The following FAM227B variants were observed in gnomAD, a reference collection of about 807,000 sequenced individuals.
FAM227B encodes the protein protein FAM227B.
In FAM227B, 88 loss-of-function variants were observed where a neutral mutation model predicts 73.8. The observed-to-expected ratio is 1.19, with a 90% CI of 1.00 to 1.42. FAM227B has a LOEUF of 1.42. Among genes scored for constraint, FAM227B ranks in the 40% most tolerant of loss-of-function variants. FAM227B has a pLI of 0.00. For synonymous variants in FAM227B, 210 were observed against 190.5 expected, an observed-to-expected ratio of 1.10 and a Z score of -0.84; for missense variants, 632 against 590.9, an observed-to-expected ratio of 1.07 and a Z score of -0.72.
chr15:49,459,471 A>G (rs1395090377), intron 11 of FAM227B, among the ~76,000 whole-genome samples: 1 of 151,402 alleles, frequency 6.6e-6, no homozygotes, highest in African/African-American at 2.5e-5. Flanking sequence ...TTGAGATATA[A>G]GAGTGAAAAG....
chr15:49,366,427 T>G (rs1567162312), intron 13 of FAM227B: 1 of 888,172 alleles, frequency 1.1e-6, no homozygotes, highest in Non-Finnish European at 1.9e-6. Flanking sequence ...CCACAACTGC[T>G]TTGTTCTTTA....
At chr15:49,355,888 T>A (rs1320232872) in intron 13 of FAM227B, among the ~76,000 whole-genome samples, 2 of 152,064 alleles carry the variant, frequency 1.3e-5, no homozygotes, top group Non-Finnish European at 2.9e-5. Context: ...TAACAGTGGA[T>A]CTCTCGGCAG....
At chr15:49,396,650 G>C (rs953541215) in intron 11 of FAM227B, among the ~76,000 whole-genome samples, 1 of 151,930 alleles carries the variant, frequency 6.6e-6, no homozygotes, top group Non-Finnish European at 1.5e-5. Flanking sequence ...CTGGAGATCT[G>C]AGAACGGGCA....
chr15:49,498,474 C>CTAAT (rs931467686), intron 11 of FAM227B, among the ~76,000 whole-genome samples: 1 of 152,138 alleles, frequency 6.6e-6, no homozygotes, highest in Non-Finnish European at 1.5e-5. Flanking sequence ...TGAACATGAA[C>CTAAT]TATTAAATTA....
intron 11 of FAM227B, among the ~76,000 whole-genome samples, chr15:49,466,043 GA>G (rs2151946982): frequency 6.6e-6 from 1 of 152,272 alleles, no homozygotes; most frequent in South Asian, 2.1e-4. Flanking sequence ...GAGAACAATA[GA>G]GGTGGGTGCT....
intron 3 of FAM227B, among the ~76,000 whole-genome samples, chr15:49,604,459 TTGC>T (rs372459205): frequency 8.5e-5 from 13 of 152,172 alleles, no homozygotes; most frequent in African/African-American, 3.1e-4. Flanking sequence ...AACTTTCTTC[TTGC>T]TGCTTTCAAA....
intron 11 of FAM227B, among the ~76,000 whole-genome samples, chr15:49,440,266 T>A (rs1055720687): frequency 6.6e-6 from 1 of 151,790 alleles, no homozygotes; most frequent in Non-Finnish European, 1.5e-5. Context: ...GTTTATACAC[T>A]CTTACAATTT....
intron 5 of FAM227B, among the ~76,000 whole-genome samples, chr15:49,582,735 C>T (rs1452430197): frequency 6.6e-6 from 1 of 152,148 alleles, no homozygotes; most frequent in African/African-American, 2.4e-5. Context: ...AGAAGTAAAA[C>T]ACTCCTCAGC....
chr15:49,491,721 GCACACA>G (rs576261502), intron 11 of FAM227B, among the ~76,000 whole-genome samples: 1 of 131,840 alleles, frequency 7.6e-6, no homozygotes, highest in Non-Finnish European at 1.6e-5. Context: ...ACACACATAT[GCACACA>G]CACACACATA....
intron 9 of FAM227B, among the ~76,000 whole-genome samples, chr15:49,565,653 C>T (rs2074596214): frequency 6.6e-6 from 1 of 151,978 alleles, no homozygotes; most frequent in South Asian, 2.1e-4. Context: ...AATACTGGTG[C>T]AAAATATATA....
chr15:49,395,128 T>TG (rs2047485873), intron 11 of FAM227B, among the ~76,000 whole-genome samples: 1 of 152,194 alleles, frequency 6.6e-6, no homozygotes, highest in East Asian at 1.9e-4. Context: ...TACTTACCAA[T>TG]GTCTTCTTCC....
chr15:49,328,682 A>AAAT lies in FAM227B; in HGVS notation c.1420-10_1420-8dup. ...CAATTTCAGCTTCGGAACGCTATGAAAATAATACATGATTAAAGTTTCACA... is the reference window on the plus strand; with the variant it reads ...CAATTTCAGCTTCGGAACGCTATGAAAATAATAATACATGATTAAAGTTTCACA... On this transcript the variant is annotated splice_polypyrimidine_tract_variant and splice_region_variant and intron_variant, in intron 15 of 15. Coordinates refer to ENST00000299338, the MANE Select transcript of FAM227B (RefSeq NM_152647.3). The AAAT allele has an allele frequency of 2.6e-6, 4 of 1,552,640 alleles. No individual in the cohort carries two copies. The highest frequency in any genetic ancestry group is 3.5e-6 in the Non-Finnish European group (4 of 1,146,884).
chr15:49,413,501 CATACATCTAACTACT>C (rs1269485930), intron 11 of FAM227B, among the ~76,000 whole-genome samples: 1 of 152,066 alleles, frequency 6.6e-6, no homozygotes, highest in Non-Finnish European at 1.5e-5. Context: ...CAGTCTCCAA[CATACATCTAACTACT>C]CCTTTCCATC....
intron 11 of FAM227B, among the ~76,000 whole-genome samples, chr15:49,499,360 C>G (rs1457725255): frequency 6.6e-6 from 1 of 151,834 alleles, no homozygotes; most frequent in Non-Finnish European, 1.5e-5. Flanking sequence ...AAAGATGTGT[C>G]TGTATAGTAA....
At chr15:49,525,704 ATATATAT>A in intron 10 of FAM227B, among the ~76,000 whole-genome samples, 3 of 87,598 alleles carry the variant, frequency 3.4e-5, no homozygotes, top group Non-Finnish European at 8.3e-5. Flanking sequence ...ATATATATAT[ATATATAT>A]ATATATATCA....
intron 8 of FAM227B, among the ~76,000 whole-genome samples, chr15:49,568,599 G>A (rs954501801): frequency 1.3e-5 from 2 of 151,928 alleles, no homozygotes; most frequent in Non-Finnish European, 2.9e-5. Context: ...TCTTAAAGGC[G>A]TGCAGTAAAA....
At chr15:49,577,479 C>T (rs1449470720) in intron 6 of FAM227B, 150 bp downstream of exon 6, 1 of 513,894 alleles carries the variant, frequency 1.9e-6, no homozygotes, top group East Asian at 3.2e-5. Flanking sequence ...AAAGACTAGG[C>T]AGAAAGAGAA....
At chr15:49,427,786 A>G (rs1429016556) in intron 11 of FAM227B, among the ~76,000 whole-genome samples, 1 of 151,952 alleles carries the variant, frequency 6.6e-6, no homozygotes, top group Non-Finnish European at 1.5e-5. Flanking sequence ...TAAAATATCT[A>G]GATGTATAAT....
At chr15:49,353,260 T>A (rs535818491) in intron 13 of FAM227B, among the ~76,000 whole-genome samples, 95 of 152,152 alleles carry the variant, frequency 6.2e-4, no homozygotes, top group African/African-American at 2.1e-3. Context: ...AGAGTAAAAT[T>A]TTTTCCTATA....
Sources: gnomAD v4.1 joint callset for allele counts (sites outside exome capture counted in the v4.1 genomes callset) on GRCh38, gnomAD v4.1.1 for gene constraint, MANE v1.5 for transcripts, NCBI Gene and HGNC (gene_info 2026-07-23, HGNC 2026-07-21) for gene names.